Variants in SETD6 observed in about 807,000 individuals in gnomAD.
SETD6 encodes the protein SET domain containing 6, protein lysine methyltransferase, also known as N-lysine methyltransferase SETD6.
A neutral mutation model predicts 52.7 loss-of-function variants in SETD6; 67 were observed. The observed-to-expected ratio is 1.27, with a 90% CI of 1.04 to 1.56. The LOEUF is 1.56. Ranked by LOEUF, SETD6 falls within the 40% of genes most tolerant of loss-of-function variation. The probability of loss-of-function intolerance (pLI) is 0.00; values close to 1 mark genes in which losing one functional copy is unlikely to be tolerated. For missense variants in SETD6, 712 were observed against 607.5 expected, an observed-to-expected ratio of 1.17 and a Z score of -1.81; for synonymous variants, 307 against 250.2, an observed-to-expected ratio of 1.23 and a Z score of -2.14.
At chr16:58,517,256 G>T (rs1248837676) in intron 5 of SETD6, 2 of 373,434 alleles carry the variant, frequency 5.4e-6, no homozygotes, top group Non-Finnish European at 1.0e-5. Context: ...TAGCAGCCTG[G>T]AACAGTGATA....
chr16:58,518,299 G>A, intron 6 of SETD6, 68 bp downstream of exon 6: 1 of 1,604,674 alleles, frequency 6.2e-7, no homozygotes, highest in Non-Finnish European at 8.5e-7. Context: ...AGGTTAAATA[G>A]CTTTGCTAAA....
chr16:58,518,364 G>T (rs766784425), intron 6 of SETD6, 37 bp from the exon 7 acceptor site: 1 of 1,584,748 alleles, frequency 6.3e-7, no homozygotes, highest in South Asian at 1.2e-5. Flanking sequence ...GAACCCTTGG[G>T]TGTACTGAGA....
Position 58,522,413 on chromosome 16 carries a change from A to G in SETD6, c.*3384A>G, listed in dbSNP as rs2039427735. 6.6e-6 allele frequency among the ~76,000 whole-genome samples: 1 copy of G among 152,218 alleles called. No homozygotes were observed. Among genetic ancestry groups the G allele is most frequent in the South Asian group, 2.1e-4 (1 of 4,834 alleles). Reference sequence around the variant, plus strand: ...CCAAGGAGACTTACTGCAGCTTTATATAAACAAAATGGATCATCATCATCT... The same window carrying G: ...CCAAGGAGACTTACTGCAGCTTTATGTAAACAAAATGGATCATCATCATCT... On this transcript the variant is annotated 3_prime_UTR_variant, in exon 8 of 8. Coordinates refer to ENST00000219315, the MANE Select transcript of SETD6 (RefSeq NM_001160305.4).
Position 58,516,059 on chromosome 16 carries a change from C to T in SETD6, c.296C>T (p.Ser99Leu), listed in dbSNP as rs2039123480. 9.3e-6 allele frequency: 14 copies of T among 1,501,956 alleles called. No individual in the cohort carries two copies. The highest frequency in any genetic ancestry group is 1.3e-5 in the South Asian group (1 of 78,748). 93.0% of individuals were successfully genotyped at this position (1,501,956 alleles called of 1,614,324 possible). ...GTGGTGCCGCGGGCCGCGCTCCTGT[C>T]GCAGCACACCTGCTCCATCGGCGGC... is the stretch of plus-strand genomic sequence containing the variant. ...LFVVPRAALL[S>L]QHTCSIGGLL... Residue 99 changes from serine to leucine, a missense_variant, in exon 2 of 8, where the codon TCG (serine) becomes TTG (leucine). Ser to Leu is a moderately radical substitution (Grantham distance 145, BLOSUM62 -2). Coordinates refer to ENST00000219315, the MANE Select transcript of SETD6 (RefSeq NM_001160305.4).
In SETD6 at chr16:58,516,322, G is replaced by T; in HGVS notation, c.455G>T (p.Arg152Leu). 6.2e-7 allele frequency: 1 copy of T among 1,608,080 alleles called. No homozygotes were observed. The change falls in exon 3 of 8, where the codon CGC (arginine) becomes CTC (leucine). Residue 152 changes from arginine (R) to leucine (L), a missense_variant. Arg to Leu is a moderately radical substitution (Grantham distance 102). Transcript: ENST00000219315. The stretch of plus-strand genomic sequence containing the variant: ...TTTGCGCTCTGGCCCGAGCTGGGCC[G>T]CTTGGAGCACCCGATGTTCTGGTGA... ...PYFALWPELG[R>L]LEHPMFWPEE...
At position 58,519,198 on chromosome 16, in the gene SETD6, T is replaced by G; in HGVS notation, c.*169T>G. 1.6e-6 allele frequency: 1 copy of G among 641,630 alleles called. No homozygotes were observed. The highest frequency in any genetic ancestry group is 2.0e-5 in the South Asian group (1 of 48,794). 39.7% of individuals were successfully genotyped at this position (641,630 alleles called of 1,614,324 possible). ...ATTAACTCAGGTAAGGGTGATGTGT[T>G]TTAGGATTGAGAACAGCAGACTTGG... On this transcript the variant is annotated 3_prime_UTR_variant, in exon 8 of 8. Coordinates refer to ENST00000219315, the MANE Select transcript of SETD6 (RefSeq NM_001160305.4).
Position 58,516,627 on chromosome 16 carries a change from C to T in SETD6, c.626C>T (p.Ser209Phe), listed in dbSNP as rs761675601. ...HPDLFSLRVR[S>F]LELYHQLVAL... ...GATCTCTTCAGCCTCAGGGTTCGCT[C>T]CCTAGAACTCTACCACCAGCTGGTG... The change falls in exon 4 of 8, where the codon TCC becomes TTC. Residue 209 changes from serine to phenylalanine, a missense_variant. Physicochemically the swap from Ser to Phe is radical, Grantham distance 155. Coordinates refer to ENST00000219315, the MANE Select transcript of SETD6 (RefSeq NM_001160305.4). 2 of 1,614,120 alleles carry T rather than the reference C, an allele frequency of 1.2e-6. No individual in the cohort carries two copies. The highest frequency in any genetic ancestry group is 1.1e-5 in the South Asian group (1 of 91,082).
intron 5 of SETD6, 137 bp from the exon 6 acceptor site, chr16:58,517,914 C>T (rs2039219683): frequency 5.6e-6 from 6 of 1,071,380 alleles, no homozygotes; most frequent in Non-Finnish European, 8.2e-6. Flanking sequence ...CTAACAGGAA[C>T]TAAAGGTAGA....
At chr16:58,516,447 G>A (rs1291338345) in intron 3 of SETD6, 31 bp from the exon 4 acceptor site, 1 of 1,613,474 alleles carries the variant, frequency 6.2e-7, no homozygotes, top group Non-Finnish European at 8.5e-7. Flanking sequence ...GTGAAGGAAT[G>A]AAGGGAACCT....
Position 58,518,398 on chromosome 16 carries a change from C to G in SETD6, c.974-3C>G. 1 of 1,580,178 alleles carries G rather than the reference C, an allele frequency of 6.3e-7. No individual in the cohort carries two copies. The highest frequency in any genetic ancestry group is 8.6e-7 in the Non-Finnish European group (1 of 1,168,556). ...GACTTTCACATTGCTGTTTCATCTA[C>G]AGGAACAAAAACTGAAGCTGAAAGG... On this transcript the variant is annotated splice_region_variant and splice_polypyrimidine_tract_variant and intron_variant, in intron 6 of 7. Coordinates refer to ENST00000219315, the MANE Select transcript of SETD6 (RefSeq NM_001160305.4).
At position 58,518,883 on chromosome 16, in the gene SETD6, A is replaced by G. The variant is rs34965375; in HGVS notation, c.1276A>G (p.Thr426Ala). 3.8e-4 allele frequency: 606 copies of G among 1,614,194 alleles called. 3 individuals are homozygous for G. The African/African-American group carries it at 7.4e-3, about 20-fold the overall frequency. ...LQNSVLLTLQ[T>A]YATDLKTDQG... The stretch of plus-strand genomic sequence containing the variant: ...AAACAGTGTTCTACTGACTTTGCAG[A>G]CCTATGCCACAGACTTAAAAACTGA... Residue 426 changes from threonine (T) to alanine (A), a missense_variant, in exon 8 of 8, where the codon ACC becomes GCC. Thr to Ala is a moderately conservative substitution (Grantham distance 58). Transcript: ENST00000219315.
rs1399759807 is a variant in SETD6 at position 58,516,898 on chromosome 16, C to T, written c.762C>T (p.Ala254=). The part of the protein sequence containing the change: ...VPAADILNHL[A]NHNANLEYSA... ...CTGCAGACATACTAAACCACTTAGC[C>T]AATCACAACGCCAATCTAGAATACT... The change falls in exon 5 of 8, where the codon GCC becomes GCT. Residue 254 remains alanine, a synonymous_variant. Coordinates refer to ENST00000219315, the MANE Select transcript of SETD6 (RefSeq NM_001160305.4). 2.5e-6 allele frequency: 4 copies of T among 1,614,040 alleles called. No homozygotes were observed. Among genetic ancestry groups the T allele is most frequent in the African/African-American group, 2.7e-5 (2 of 74,912 alleles).
At chr16:58,515,594 T>C in intron 1 of SETD6, 30 bp downstream of exon 1, 2 of 1,531,628 alleles carry the variant, frequency 1.3e-6, no homozygotes, top group South Asian at 2.4e-5. Flanking sequence ...TCCAGCCTTT[T>C]CCTCCGCGCC....
In SETD6 at chr16:58,521,403, C is replaced by A; in HGVS notation, c.*2374C>A. ...TCCATTACTTTTTTTCTAACTTCTC[C>A]CTGACTATTGAACCACATGCAAAAG... On this transcript the variant is annotated 3_prime_UTR_variant, in exon 8 of 8. Transcript: ENST00000219315. The A allele has an allele frequency of 7.2e-7, 1 of 1,385,156 alleles. No individual in the cohort carries two copies. Among genetic ancestry groups the A allele is most frequent in the South Asian group, 1.4e-5 (1 of 72,860 alleles). 85.8% of individuals were successfully genotyped at this position (1,385,156 alleles called of 1,614,324 possible). A position where few individuals can be genotyped will look rare whatever the true frequency, so the allele number is the denominator to read the frequency against.
rs75639163 is a variant in SETD6, at chr16:58,516,728, G to A, written c.671+56G>A. 5,754 of 1,609,538 alleles carry A rather than the reference G, an allele frequency of 3.6e-3. 196 individuals carry two copies. In the African/African-American group the frequency reaches 0.068, roughly 19 times the overall value. On this transcript the variant is annotated intron_variant, in intron 4 of 7. Coordinates refer to ENST00000219315, the MANE Select transcript of SETD6 (RefSeq NM_001160305.4). ...CCTTTTCTTTACAACTCTATAGAGG[G>A]ACAAAAGTGGAAAAACAGTGAAATC... is the stretch of plus-strand genomic sequence containing the variant.
Position 58,519,410 on chromosome 16 carries a change from A to AAAAG in SETD6, c.*383_*386dup. 1 of 196,052 alleles carries AAAAG rather than the reference A, an allele frequency of 5.1e-6. No homozygotes were observed. The highest frequency in any genetic ancestry group is 5.3e-5 in the Admixed American group (1 of 18,928). 12.1% of individuals were successfully genotyped at this position (196,052 alleles called of 1,614,324 possible). A position where few individuals can be genotyped will look rare whatever the true frequency, so the allele number is the denominator to read the frequency against. ...TGAGGAAGTCACTTAACCTTTATTGAAAAGACTCTGGATTTAATAAGCTGT... is the reference window on the plus strand; with the variant it reads ...TGAGGAAGTCACTTAACCTTTATTGAAAAGAAAGACTCTGGATTTAATAAGCTGT... On this transcript the variant is annotated 3_prime_UTR_variant, in exon 8 of 8. Coordinates refer to ENST00000219315, the MANE Select transcript of SETD6 (RefSeq NM_001160305.4).
Position 58,519,015 on chromosome 16 carries a change from G to T in SETD6, c.1408G>T (p.Glu470Ter), listed in dbSNP as rs1242576886. The T allele has an allele frequency of 1.1e-5, 18 of 1,611,264 alleles. No individual in the cohort carries two copies. The highest frequency in any genetic ancestry group is 1.7e-5 in the Admixed American group (1 of 59,828). ...GAAGATGATCTTACATCAGTTGTTG[G>T]AGCTGACAAGTTAGCAGTTTCCCTG... ...GQKMILHQLL[E>*]LTS is the part of the protein sequence containing the mutation. The change falls in exon 8 of 8, where the codon GAG becomes TAG. Residue 470 changes from glutamate to a stop codon, truncating the protein, a stop_gained. Transcript: ENST00000219315. LOFTEE classifies it high-confidence loss of function.
rs1376606113 is a variant in SETD6 at position 58,516,217 on chromosome 16, AG to A, written c.351del (p.Ser118AlafsTer93). 2 of 1,593,812 alleles carry A rather than the reference AG, an allele frequency of 1.3e-6. No individual in the cohort carries two copies. Among genetic ancestry groups the A allele is most frequent in the African/African-American group, 1.3e-5 (1 of 74,566 alleles). ...TCTTCCTCAGAGCGAGTTGCGCTGCAGAGCCAGTCGGGCTGGGTGCCACTGC... is the reference window on the plus strand; with the variant it reads ...TCTTCCTCAGAGCGAGTTGCGCTGCAAGCCAGTCGGGCTGGGTGCCACTGC... The part of the protein sequence containing the change: ...GLLERERVAL[Q>X]SQSGWVPLLL... On this transcript the variant is annotated frameshift_variant, in exon 3 of 8. Transcript: ENST00000219315. LOFTEE classifies it high-confidence loss of function.
In SETD6 at chr16:58,521,935, A is replaced by G. The variant is rs927512635; in HGVS notation, c.*2906A>G. 3.3e-5 allele frequency among the ~76,000 whole-genome samples: 5 copies of G among 152,194 alleles called. No homozygotes were observed. The highest frequency in any genetic ancestry group is 7.3e-5 in the Non-Finnish European group (5 of 68,038). ...CACTGCACTCCAGCCTGGGAGACAG[A>G]GTGAGACCCTGTCTCAAATAAACAG... On this transcript the variant is annotated 3_prime_UTR_variant, in exon 8 of 8. Transcript: ENST00000219315.
Sources: gnomAD v4.1 joint callset for allele counts (sites outside exome capture counted in the v4.1 genomes callset) on GRCh38, gnomAD v4.1.1 for gene constraint, MANE v1.5 for transcripts, NCBI Gene and HGNC (gene_info 2026-07-23, HGNC 2026-07-21) for gene names.